The following CCDC146 variants were observed in gnomAD, a reference collection of about 807,000 sequenced individuals.
The protein encoded by CCDC146 is coiled-coil domain-containing protein 146.
A neutral mutation model predicts 119.3 loss-of-function variants in CCDC146; 92 were observed. That is an observed-to-expected ratio of 0.77 (90% confidence interval 0.65 to 0.92). The LOEUF is 0.92. Among genes scored for constraint, CCDC146 ranks in the 40% least tolerant of loss-of-function variants. The pLI is 0.00. For missense variants in CCDC146, 1,000 were observed against 1,103.0 expected, an observed-to-expected ratio of 0.91 and a Z score of 1.32; for synonymous variants, 372 against 371.8, an observed-to-expected ratio of 1.00 and a Z score of -0.01.
intron 9 of CCDC146, among the ~76,000 whole-genome samples, chr7:77,270,581 A>G (rs888537901): frequency 6.6e-6 from 1 of 152,182 alleles, no homozygotes; most frequent in Non-Finnish European, 1.5e-5. Context: ...CCTATTTTCC[A>G]GATTACCTTG....
Position 77,196,796 on chromosome 7 carries a change from C to T in CCDC146, c.156+28972C>T, listed in dbSNP as rs1200773131. 1 of 1,614,072 alleles carries T rather than the reference C, an allele frequency of 6.2e-7. No homozygotes were observed. Among genetic ancestry groups the T allele is most frequent in the Non-Finnish European group, 8.5e-7 (1 of 1,180,002 alleles). On this transcript the variant is annotated intron_variant, in intron 2 of 18. Transcript: ENST00000285871. The surrounding 1 kb of genome is among the most constrained non-coding windows in gnomAD (Gnocchi z 4.2). ...TCCAAAGCCTGCTTTGTAGTCTTGC[C>T]ATGTTCTGGTGAAGTTGGTGCTCCC...
At chr7:77,174,574 C>A (rs1791475093) in intron 2 of CCDC146, among the ~76,000 whole-genome samples, 3 of 152,070 alleles carry the variant, frequency 2.0e-5, no homozygotes, top group Admixed American at 6.6e-5. Flanking sequence ...TGGAAAGGGG[C>A]AGTAACTTCC....
chr7:77,269,715 A>T (rs180769377), intron 9 of CCDC146, among the ~76,000 whole-genome samples: 65 of 152,374 alleles, frequency 4.3e-4, no homozygotes, highest in South Asian at 8.3e-4. Context: ...CTAAGCACCC[A>T]TAGAATATAA....
At chr7:77,145,151 G>T (rs973198034) in intron 1 of CCDC146, among the ~76,000 whole-genome samples, 2 of 151,808 alleles carry the variant, frequency 1.3e-5, no homozygotes, top group African/African-American at 4.9e-5. Flanking sequence ...TCTTGGGAGG[G>T]TGTATGTGTC....
At chr7:77,255,082 A>G (rs3108427) in intron 5 of CCDC146, among the ~76,000 whole-genome samples, 103,210 of 152,096 alleles carry the variant, frequency 0.68, 38,770 homozygotes, top group Non-Finnish European at 0.86. Context: ...TATACCAGCC[A>G]TTTGGTAGGC....
chr7:77,269,489 A>G (rs1793468553), intron 9 of CCDC146, among the ~76,000 whole-genome samples: 1 of 152,188 alleles, frequency 6.6e-6, no homozygotes, highest in African/African-American at 2.4e-5. Flanking sequence ...ATGGGCTGCT[A>G]TAAATCTAAT....
chr7:77,262,265 A>C lies in CCDC146; in HGVS notation c.1131A>C (p.Ala377=), dbSNP rs1376883304. ...TGCTCTTGAAAGTGTCCTGGGATGC[A>C]CTTAGGCAAACTCAAGCACTGCATC... ...MELLLKVSWD[A]LRQTQALHQR... is the part of the protein sequence containing the mutation. Residue 377 remains alanine, a synonymous_variant, in exon 9 of 19, where the codon GCA becomes GCC. Coordinates refer to ENST00000285871, the MANE Select transcript of CCDC146 (RefSeq NM_020879.3). 1.9e-6 allele frequency: 3 copies of C among 1,613,238 alleles called. No homozygotes were observed. Among genetic ancestry groups the C allele is most frequent in the African/African-American group, 1.3e-5 (1 of 74,894 alleles).
intron 8 of CCDC146, among the ~76,000 whole-genome samples, chr7:77,261,196 G>A (rs1232758772): frequency 6.6e-6 from 1 of 151,964 alleles, no homozygotes; most frequent in Non-Finnish European, 1.5e-5. Context: ...GTCATGGGGG[G>A]TTGTTGTACA....
At chr7:77,148,361 G>T (rs1353670376) in intron 1 of CCDC146, among the ~76,000 whole-genome samples, 1 of 152,066 alleles carries the variant, frequency 6.6e-6, no homozygotes, top group Non-Finnish European at 1.5e-5. Flanking sequence ...TGCTTCCTGG[G>T]TGAGGCGATG....
chr7:77,270,968 T>A (rs543683307), intron 9 of CCDC146, among the ~76,000 whole-genome samples: 4 of 151,772 alleles, frequency 2.6e-5, no homozygotes, highest in African/African-American at 9.7e-5. Context: ...GACTTCCACT[T>A]ACATTTCATT....
chr7:77,198,222 C>T (rs1791912630), intron 2 of CCDC146: 4 of 985,438 alleles, frequency 4.1e-6, no homozygotes, highest in East Asian at 1.1e-4. Flanking sequence ...ACCCTTCCCT[C>T]CTTCACTGGC....
intron 17 of CCDC146, among the ~76,000 whole-genome samples, chr7:77,291,848 T>C (rs1390509038): frequency 6.6e-6 from 1 of 152,238 alleles, no homozygotes; most frequent in Non-Finnish European, 1.5e-5. Flanking sequence ...TGCCAACATG[T>C]CAATGTGATG....
At chr7:77,168,839 CTCTT>C (rs1327633443) in intron 2 of CCDC146, among the ~76,000 whole-genome samples, 1 of 152,084 alleles carries the variant, frequency 6.6e-6, no homozygotes, top group Non-Finnish European at 1.5e-5. Flanking sequence ...CTCAACCTCT[CTCTT>C]TCTCTCTCTC....
chr7:77,286,692 G>T, intron 15 of CCDC146, 106 bp from the exon 16 acceptor site: 1 of 1,023,378 alleles, frequency 9.8e-7, no homozygotes, highest in Non-Finnish European at 1.5e-6. Flanking sequence ...TTCTACCCTT[G>T]TCTGGGTTGG....
At chr7:77,262,443 C>G (rs968645933) in intron 9 of CCDC146, 136 bp downstream of exon 9, 12 of 641,232 alleles carry the variant, frequency 1.9e-5, no homozygotes, top group Non-Finnish European at 2.8e-5. Flanking sequence ...TTTTCAAATG[C>G]GTCAAGCCTA....
intron 4 of CCDC146, among the ~76,000 whole-genome samples, chr7:77,243,710 A>G (rs1244505356): frequency 6.6e-6 from 1 of 152,204 alleles, no homozygotes; most frequent in East Asian, 1.9e-4. Flanking sequence ...AAACAGCCTC[A>G]GGCAGGTCCT....
chr7:77,197,054 T>G, intron 2 of CCDC146: 1 of 953,024 alleles, frequency 1.0e-6, no homozygotes, highest in Non-Finnish European at 1.6e-6. Flanking sequence ...GAATTCTTTA[T>G]ATGTACAAAA....
chr7:77,211,990 C>T (rs1395105132), intron 2 of CCDC146, among the ~76,000 whole-genome samples: 1 of 152,076 alleles, frequency 6.6e-6, no homozygotes, highest in African/African-American at 2.4e-5. Flanking sequence ...AGGAGTGTTC[C>T]CATTAAAATC....
intron 2 of CCDC146, among the ~76,000 whole-genome samples, chr7:77,169,603 C>G (rs1332289942): frequency 6.6e-6 from 1 of 152,188 alleles, no homozygotes; most frequent in Non-Finnish European, 1.5e-5. Flanking sequence ...ATTTATTCAT[C>G]TTTTTATCAG....
Sources: allele counts gnomAD v4.1 joint callset (sites outside exome capture counted in the v4.1 genomes callset), GRCh38; gene constraint gnomAD v4.1.1; non-coding constraint Gnocchi (gnomAD v3.1); transcripts MANE v1.5; gene names NCBI Gene and HGNC (gene_info 2026-07-23, HGNC 2026-07-21).